Variants in RBM33 observed in about 807,000 individuals in gnomAD.
RBM33 encodes RNA binding motif protein 33, also known as RNA-binding protein 33.
In RBM33, 28 loss-of-function variants were observed where a neutral mutation model predicts 132.6. The ratio of observed to expected loss-of-function variants is 0.21; its 90% CI spans 0.16 to 0.29. The LOEUF (loss-of-function observed/expected upper bound fraction) is 0.29. RBM33 is among the 10% of genes least tolerant of loss of function. The pLI is 1.00. For missense variants in RBM33, 1,291 were observed against 1,518.5 expected, an observed-to-expected ratio of 0.85 and a Z score of 2.49; for synonymous variants, 634 against 593.0, an observed-to-expected ratio of 1.07 and a Z score of -1.01.
intron 5 of RBM33, chr7:155,684,852 A>AATC (rs1799428722): frequency 7.0e-7 from 1 of 1,430,494 alleles, no homozygotes; most frequent in Non-Finnish European, 9.4e-7. Flanking sequence ...ATTAAGCATG[A>AATC]ATCATAAAGA....
At chr7:155,645,432 T>G (rs1798157938) in intron 1 of RBM33, among the ~76,000 whole-genome samples, 1 of 152,182 alleles carries the variant, frequency 6.6e-6, no homozygotes, top group Non-Finnish European at 1.5e-5. Context: ...GAAAGTGAGA[T>G]TTCTTGAGAA....
At chr7:155,672,648 G>A (rs1798974030) in intron 2 of RBM33, among the ~76,000 whole-genome samples, 2 of 151,506 alleles carry the variant, frequency 1.3e-5, no homozygotes, top group South Asian at 4.2e-4. Context: ...GGGAGGCTGA[G>A]GCAGGAGAAT....
chr7:155,745,710 T>A lies in RBM33; in HGVS notation c.2979+108T>A, dbSNP rs955900133. ...AAAGAATTAAAAGTTACCTCTGTTA[T>A]AGTCTTGTAACCAATCTCTACCTAC... On this transcript the variant is annotated intron_variant, in intron 14 of 17. Coordinates refer to ENST00000401878, the MANE Select transcript of RBM33 (RefSeq NM_053043.3). This position sits in a 1 kb window ranked among gnomAD's most constrained non-coding sequence, Gnocchi z 4.1. 4 of 1,122,208 alleles carry A rather than the reference T, an allele frequency of 3.6e-6. No individual in the cohort carries two copies. Among genetic ancestry groups the A allele is most frequent in the African/African-American group, 3.2e-5 (2 of 63,488 alleles). The allele number at this position is 1,122,208 out of a possible 1,614,324, so 69.5% of individuals were successfully genotyped here.
At chr7:155,737,782 T>G in intron 10 of RBM33, 120 bp downstream of exon 10, 1 of 1,168,482 alleles carries the variant, frequency 8.6e-7, no homozygotes, top group South Asian at 1.7e-5. Flanking sequence ...AATGCCAGGT[T>G]TTTGTACCAT....
At chr7:155,654,891 A>T (rs1453754656) in intron 1 of RBM33, among the ~76,000 whole-genome samples, 1 of 152,204 alleles carries the variant, frequency 6.6e-6, no homozygotes, top group African/African-American at 2.4e-5. Context: ...GCACAGATAA[A>T]CATTGGTGGT....
At chr7:155,687,160 A>G (rs556339155) in intron 5 of RBM33, among the ~76,000 whole-genome samples, 3 of 152,290 alleles carry the variant, frequency 2.0e-5, no homozygotes, top group East Asian at 3.9e-4. Flanking sequence ...TGACTTTTTA[A>G]TGATCACCAT....
At chr7:155,717,751 T>G (rs1391746553) in intron 8 of RBM33, among the ~76,000 whole-genome samples, 1 of 152,234 alleles carries the variant, frequency 6.6e-6, no homozygotes, top group Non-Finnish European at 1.5e-5. Flanking sequence ...ACATCTAGCT[T>G]CTTCTCTATT....
Position 155,741,846 on chromosome 7 carries a change from C to T in RBM33, c.2077C>T (p.Arg693Trp), listed in dbSNP as rs964651466. Reference protein sequence around the residue: ...HNTTSQNVSKRPMQQMQPTAP... With the variant: ...HNTTSQNVSKWPMQQMQPTAP... ...TACAACTTCTCAGAATGTAAGCAAG[C>T]GGCCCATGCAGCAAATGCAGCCCAC... is the stretch of plus-strand genomic sequence containing the variant. The change falls in exon 13 of 18, where the codon CGG becomes TGG. Residue 693 changes from arginine (R) to tryptophan (W), a missense_variant. Physicochemically the swap from Arg to Trp is moderately radical, Grantham distance 101. Transcript: ENST00000401878. 20 of 1,612,490 alleles carry T rather than the reference C, an allele frequency of 1.2e-5. No homozygotes were observed. Among genetic ancestry groups the T allele is most frequent in the Admixed American group, 6.7e-5 (4 of 59,984 alleles).
chr7:155,744,191 T>C (rs1255353074), intron 13 of RBM33, among the ~76,000 whole-genome samples: 1 of 152,232 alleles, frequency 6.6e-6, no homozygotes, highest in African/African-American at 2.4e-5. Flanking sequence ...TGTTACATTA[T>C]TTTACACGGA....
At chr7:155,697,535 A>G (rs1311593216) in intron 5 of RBM33, among the ~76,000 whole-genome samples, 1 of 152,032 alleles carries the variant, frequency 6.6e-6, no homozygotes, top group Non-Finnish European at 1.5e-5. Flanking sequence ...GCTTTTTGTA[A>G]GCAATGTTTT....
chr7:155,781,084 C>G lies in RBM33; in HGVS notation c.*6043C>G, dbSNP rs951916055. 10 of 152,732 alleles carry G rather than the reference C, an allele frequency of 6.5e-5. No individual in the cohort carries two copies. The highest frequency in any genetic ancestry group is 2.4e-4 in the African/African-American group (10 of 41,476). 9.5% of individuals were successfully genotyped at this position (152,732 alleles called of 1,614,324 possible). On this transcript the variant is annotated 3_prime_UTR_variant, in exon 18 of 18. Coordinates refer to ENST00000401878, the MANE Select transcript of RBM33 (RefSeq NM_053043.3). ...GTCTGACCGTGTGTTACTGCTTTGC[C>G]GACGGGGCCTCCCGGCCCTGATGCG...
intron 9 of RBM33, among the ~76,000 whole-genome samples, chr7:155,723,019 C>T (rs1333222379): frequency 6.6e-6 from 1 of 152,156 alleles, no homozygotes; most frequent in Non-Finnish European, 1.5e-5. Flanking sequence ...CGTGTTCTTA[C>T]TTACTTAGAC....
chr7:155,680,793 A>G lies in RBM33; in HGVS notation c.452A>G (p.His151Arg), dbSNP rs1197121328. The change falls in exon 5 of 18, where the codon CAC becomes CGC. Residue 151 changes from histidine (H) to arginine (R), a missense_variant. Coordinates refer to ENST00000401878, the MANE Select transcript of RBM33 (RefSeq NM_053043.3). The part of the protein sequence containing the change: ...EYPEEGQYEG[H>R]EAELTEDQIE... ...CCAGAAGAAGGACAGTATGAAGGCC[A>G]CGAAGCTGAGTTGACAGAAGACCAA... 1.2e-6 allele frequency: 2 copies of G among 1,613,784 alleles called. No individual in the cohort carries two copies. The highest frequency in any genetic ancestry group is 1.7e-6 in the Non-Finnish European group (2 of 1,179,824).
chr7:155,645,670 G>A (rs528638252), intron 1 of RBM33, among the ~76,000 whole-genome samples: 58 of 152,238 alleles, frequency 3.8e-4, no homozygotes, highest in Admixed American at 5.9e-4. Flanking sequence ...ATCACTGGGG[G>A]TTTTAAAAAC....
chr7:155,684,646 C>T (rs935642669), intron 5 of RBM33, among the ~76,000 whole-genome samples: 9 of 152,094 alleles, frequency 5.9e-5, no homozygotes, highest in Admixed American at 2.6e-4. Flanking sequence ...GTGGCTCTTC[C>T]GTGCTGTTGA....
chr7:155,646,068 G>A (rs1798180336), intron 1 of RBM33, among the ~76,000 whole-genome samples: 1 of 152,088 alleles, frequency 6.6e-6, no homozygotes, highest in African/African-American at 2.4e-5. Context: ...CTTTCTGGGG[G>A]TCAGAATTAC....
chr7:155,669,562 A>G (rs1353076278), intron 2 of RBM33, among the ~76,000 whole-genome samples: 1 of 152,142 alleles, frequency 6.6e-6, no homozygotes, highest in African/African-American at 2.4e-5. Context: ...CGTGTTGGCC[A>G]GGCTGGTCTT....
At position 155,747,244 on chromosome 7, in the gene RBM33, G is replaced by A. The variant is rs571457898; in HGVS notation, c.2979+1642G>A. On this transcript the variant is annotated intron_variant, in intron 14 of 17. Coordinates refer to ENST00000401878, the MANE Select transcript of RBM33 (RefSeq NM_053043.3). ...ATATGAATTTGTTACCTTTAGGTGAGAACTCAAGCACTCAGTTTCTTCAGT... is the reference window on the plus strand; with the variant it reads ...ATATGAATTTGTTACCTTTAGGTGAAAACTCAAGCACTCAGTTTCTTCAGT... Among the ~76,000 whole-genome samples the A allele has an allele frequency of 3.4e-4, 52 of 152,322 alleles. 3 individuals are homozygous for A. The South Asian group carries it at 0.01, about 30-fold the overall frequency.
chr7:155,731,914 C>T lies in RBM33; in HGVS notation c.1261-5616C>T, dbSNP rs545871976. 1.8e-4 allele frequency among the ~76,000 whole-genome samples: 28 copies of T among 152,272 alleles called. 1 individual carries two copies. The South Asian group carries it at 3.5e-3, about 19-fold the overall frequency. On this transcript the variant is annotated intron_variant, in intron 9 of 17. Transcript: ENST00000401878. ...AAAGGAGTAATAAATATTAGGGCTT[C>T]ACCTATTAAATAATGAAGATGGAAA...
Sources: allele counts gnomAD v4.1 joint callset (sites outside exome capture counted in the v4.1 genomes callset), GRCh38; gene constraint gnomAD v4.1.1; non-coding constraint Gnocchi (gnomAD v3.1); transcripts MANE v1.5; gene names NCBI Gene and HGNC (gene_info 2026-07-23, HGNC 2026-07-21).